The following UCMA variants were observed in gnomAD, a reference collection of about 807,000 sequenced individuals.
UCMA encodes upper zone of growth plate and cartilage matrix associated, also known as upper zone of growth plate and cartilage matrix-associated protein.
UCMA carries 21 observed loss-of-function variants against 21.8 expected under a neutral mutation model. The ratio of observed to expected loss-of-function variants is 0.97; its 90% CI spans 0.68 to 1.39. The LOEUF (loss-of-function observed/expected upper bound fraction) is 1.39, where lower values mean the gene tolerates loss of function less well. UCMA is among the 40% of genes most tolerant of loss of function. UCMA has a pLI of 0.00. For missense variants in UCMA, 193 were observed against 178.9 expected, an observed-to-expected ratio of 1.08 and a Z score of -0.45; for synonymous variants, 76 against 67.9, an observed-to-expected ratio of 1.12 and a Z score of -0.58.
rs763807272 is a variant in UCMA, at chr10:13,222,275, C to T, written c.320-75G>A. ...GCCACTGAGCCCAGCAGCCATCAGC[C>T]GAACCCCTGCCCTGTGGTGACCTGC... On this transcript the variant is annotated intron_variant, in intron 4 of 4. Coordinates refer to ENST00000378681, the MANE Select transcript of UCMA (RefSeq NM_145314.3). 6.1e-5 allele frequency: 86 copies of T among 1,403,514 alleles called. No homozygotes were observed. In the South Asian group the frequency reaches 8.7e-4, roughly 14 times the overall value. The allele number at this position is 1,403,514 out of a possible 1,614,324, so 86.9% of individuals were successfully genotyped here. A position where few individuals can be genotyped will look rare whatever the true frequency, so the allele number is the denominator to read the frequency against.
chr10:13,231,047 A>AAAATAAAT (rs61676106), intron 3 of UCMA, among the ~76,000 whole-genome samples: 6 of 146,578 alleles, frequency 4.1e-5, no homozygotes, highest in South Asian at 4.4e-4. Context: ...ACTCTGTCTT[A>AAAATAAAT]AAATAAATAA....
chr10:13,229,678 C>T lies in UCMA; in HGVS notation c.252G>A (p.Glu84=). ...VENRQKLRVD[E]LRREYYEEQR... is the part of the protein sequence containing the mutation. ...GTTCCTCGTAATATTCTCTCCGCAG[C>T]TCATCAACCCGAAGCTTCTGCCTGT... is the stretch of plus-strand genomic sequence containing the variant. The change falls in exon 4 of 5, where the codon GAG becomes GAA. Residue 84 remains glutamate, a synonymous_variant. Coordinates refer to ENST00000378681, the MANE Select transcript of UCMA (RefSeq NM_145314.3). 2 of 1,614,114 alleles carry T rather than the reference C, an allele frequency of 1.2e-6. No individual in the cohort carries two copies. Among genetic ancestry groups the T allele is most frequent in the Non-Finnish European group, 1.7e-6 (2 of 1,180,026 alleles).
At chr10:13,233,833 C>T (rs1229081273) in intron 1 of UCMA, 33 bp from the exon 2 acceptor site, 3 of 1,612,324 alleles carry the variant, frequency 1.9e-6, no homozygotes, top group African/African-American at 2.7e-5. Context: ...GAGGCTGCAG[C>T]ATCAGAGGGG....
chr10:13,233,728 C>G lies in UCMA; in HGVS notation c.124+7G>C, dbSNP rs1834931906. On this transcript the variant is annotated splice_region_variant and intron_variant, in intron 2 of 4. Coordinates refer to ENST00000378681, the MANE Select transcript of UCMA (RefSeq NM_145314.3). ...TGCCCTGCCCCGTGGGTGGCCCCTG[C>G]ACTCACCTTCACTCGCCTCTTCTCC... 6.2e-7 allele frequency: 1 copy of G among 1,613,970 alleles called. No homozygotes were observed. The highest frequency in any genetic ancestry group is 8.5e-7 in the Non-Finnish European group (1 of 1,180,028).
chr10:13,233,527 A>C lies in UCMA; in HGVS notation c.220+11T>G. On this transcript the variant is annotated intron_variant, in intron 3 of 4. Coordinates refer to ENST00000378681, the MANE Select transcript of UCMA (RefSeq NM_145314.3). ...GATGGACGCGGGATGGGGTCCCTCC[A>C]GCATCCTTACCATTGACCTCATCTC... The C allele has an allele frequency of 6.2e-7, 1 of 1,612,448 alleles. No individual in the cohort carries two copies. The highest frequency in any genetic ancestry group is 8.5e-7 in the Non-Finnish European group (1 of 1,178,970).
intron 4 of UCMA, among the ~76,000 whole-genome samples, chr10:13,227,763 C>T (rs1834843058): frequency 6.8e-6 from 1 of 147,964 alleles, no homozygotes; most frequent in East Asian, 2.0e-4. Flanking sequence ...CACACACACA[C>T]ACACACACAC....
chr10:13,227,734 G>GAAA (rs1834841430), intron 4 of UCMA, among the ~76,000 whole-genome samples: 1 of 62,108 alleles, frequency 1.6e-5, no homozygotes, highest in Admixed American at 2.2e-4. Context: ...AAAAAAAAAG[G>GAAA]AAAGGAAATA....
chr10:13,232,589 T>C (rs1220381126), intron 3 of UCMA, among the ~76,000 whole-genome samples: 1 of 152,084 alleles, frequency 6.6e-6, no homozygotes. Flanking sequence ...GTTATACTTA[T>C]TCAATTTTTT....
intron 4 of UCMA, among the ~76,000 whole-genome samples, chr10:13,225,672 T>C (rs1296742350): frequency 3.1e-5 from 1 of 32,094 alleles, no homozygotes; most frequent in East Asian, 8.0e-4. Flanking sequence ...AGATTCCATC[T>C]CAAAAAAAAA....
At chr10:13,228,644 A>G (rs1834856440) in intron 4 of UCMA, among the ~76,000 whole-genome samples, 3 of 152,084 alleles carry the variant, frequency 2.0e-5, no homozygotes, top group Non-Finnish European at 2.9e-5. Context: ...ATGGAGTAGG[A>G]CCTGGAGCCA....
intron 1 of UCMA, 45 bp from the exon 2 acceptor site, chr10:13,233,845 G>T: frequency 6.2e-7 from 1 of 1,608,948 alleles, no homozygotes; most frequent in Non-Finnish European, 8.5e-7. Flanking sequence ...TCAGAGGGGA[G>T]CCCAGACCCT....
At chr10:13,231,266 A>C (rs1834896404) in intron 3 of UCMA, among the ~76,000 whole-genome samples, 2 of 152,146 alleles carry the variant, frequency 1.3e-5, no homozygotes, top group Admixed American at 6.5e-5. Flanking sequence ...TAGTTGCAGG[A>C]AACTTGAGTC....
At position 13,222,121 on chromosome 10, in the gene UCMA, G is replaced by A. The variant is rs554091899; in HGVS notation, c.399C>T (p.Tyr133=). ...GATGGGATCAGGTGTGGTGGCGGTT[G>A]TAGAGATAGGATGGGTGCAGGCCGT... ...HYDGLHPSYL[Y]NRHHT The change falls in exon 5 of 5, where the codon TAC becomes TAT. Residue 133 remains tyrosine (Y), a synonymous_variant. Transcript: ENST00000378681. The A allele has an allele frequency of 6.2e-7, 1 of 1,614,184 alleles. No homozygotes were observed. The highest frequency in any genetic ancestry group is 1.7e-5 in the Admixed American group (1 of 60,024).
chr10:13,222,840 T>A (rs934345620), intron 4 of UCMA, among the ~76,000 whole-genome samples: 2 of 151,976 alleles, frequency 1.3e-5, no homozygotes, highest in Non-Finnish European at 2.9e-5. Flanking sequence ...GCTAATTTTT[T>A]AATTTTTTTA....
rs542025266 is a variant in UCMA, at chr10:13,233,479, CG to C, written c.220+58del. 4.2e-4 allele frequency: 579 copies of C among 1,393,886 alleles called. 9 individuals are homozygous for C. The South Asian group carries it at 6.2e-3, about 15-fold the overall frequency. The allele number at this position is 1,393,886 out of a possible 1,614,324, so 86.3% of individuals were successfully genotyped here. ...CGGCTGACTGTGGGAGAGGAGGAGC[CG>C]GGGGGTGTGAGCAGAGGTGGTGATG... On this transcript the variant is annotated intron_variant, in intron 3 of 4. Transcript: ENST00000378681.
chr10:13,233,821 G>C lies in UCMA; in HGVS notation c.59-21C>G, dbSNP rs368794338. The C allele has an allele frequency of 3.2e-5, 51 of 1,613,380 alleles. No homozygotes were observed. In the African/African-American group the frequency reaches 6.5e-4, roughly 21 times the overall value. On this transcript the variant is annotated intron_variant, in intron 1 of 4. Coordinates refer to ENST00000378681, the MANE Select transcript of UCMA (RefSeq NM_145314.3). ...CAGCACTGCAGGACAAGGGCACAGA[G>C]TGAGGCTGCAGCATCAGAGGGGAGC... is the stretch of plus-strand genomic sequence containing the variant.
intron 4 of UCMA, among the ~76,000 whole-genome samples, chr10:13,223,744 G>A (rs1249349101): frequency 1.3e-5 from 2 of 152,016 alleles, no homozygotes; most frequent in East Asian, 3.9e-4. Flanking sequence ...TAGAGATGGG[G>A]TTTCATCCTG....
intron 4 of UCMA, among the ~76,000 whole-genome samples, chr10:13,226,491 A>T (rs940878024): frequency 2.0e-5 from 3 of 151,876 alleles, no homozygotes; most frequent in Admixed American, 2.0e-4. Flanking sequence ...TTAATTGAAA[A>T]ATTTTTTTTC....
intron 3 of UCMA, among the ~76,000 whole-genome samples, chr10:13,232,802 G>A (rs1834915785): frequency 6.6e-6 from 1 of 152,096 alleles, no homozygotes; most frequent in South Asian, 2.1e-4. Flanking sequence ...CTTGGAAGAA[G>A]CAGGTTCAGG....
Sources: allele counts gnomAD v4.1 joint callset (sites outside exome capture counted in the v4.1 genomes callset), GRCh38; gene constraint gnomAD v4.1.1; transcripts MANE v1.5; gene names NCBI Gene and HGNC (gene_info 2026-07-23, HGNC 2026-07-21).